RGS18: variants seen among roughly 807,000 people sequenced by gnomAD.
RGS18 encodes regulator of G protein signaling 18, also known as regulator of G-protein signaling 18.
Under a neutral mutation model 27.6 loss-of-function variants are expected in RGS18, and 22 were observed. The observed-to-expected ratio is 0.80, with a 90% CI of 0.57 to 1.14. The LOEUF is 1.14. Ranked by LOEUF, RGS18 falls within the 50% of genes most tolerant of loss-of-function variation. The pLI is 0.00. For synonymous variants in RGS18, 89 were observed against 84.6 expected (o/e 1.05, Z -0.29); for missense variants, 299 against 269.6 (o/e 1.11, Z -0.76).
At chr1:192,170,408 C>T (rs1475515150) in intron 3 of RGS18, among the ~76,000 whole-genome samples, 1 of 152,116 alleles carries the variant, frequency 6.6e-6, no homozygotes, top group Non-Finnish European at 1.5e-5. Context: ...CAGAGACCTG[C>T]CTTTTTTCTC....
intron 4 of RGS18, among the ~76,000 whole-genome samples, chr1:192,183,751 C>T (rs1327486811): frequency 6.6e-6 from 1 of 151,592 alleles, no homozygotes; most frequent in Non-Finnish European, 1.5e-5. Flanking sequence ...ATGGAATATT[C>T]AGCCACAGAA....
chr1:192,172,878 T>TATATATATATATATATATAC (rs1553229372), intron 3 of RGS18, among the ~76,000 whole-genome samples: 37 of 138,574 alleles, frequency 2.7e-4, no homozygotes, highest in African/African-American at 9.5e-4. Flanking sequence ...TATATATATA[T>TATATATATATATATATATAC]ATATAAATAT....
chr1:192,169,490 T>C (rs1656219603), intron 3 of RGS18: 2 of 152,158 alleles, frequency 1.3e-5, no homozygotes, highest in African/African-American at 2.4e-5. Flanking sequence ...TCTATTTAAA[T>C]AGTAACTGAG....
intron 3 of RGS18, among the ~76,000 whole-genome samples, chr1:192,174,706 T>G (rs1048621370): frequency 6.6e-6 from 1 of 151,882 alleles, no homozygotes; most frequent in South Asian, 2.1e-4. Context: ...ATGTGAAGAT[T>G]TTTTTGTTCA....
intron 3 of RGS18, among the ~76,000 whole-genome samples, chr1:192,171,077 T>G (rs1035956242): frequency 1.3e-5 from 2 of 152,170 alleles, no homozygotes; most frequent in African/African-American, 2.4e-5. Context: ...TGGCAATTAT[T>G]TTGTAGCTAG....
chr1:192,171,357 T>C (rs1397115785), intron 3 of RGS18, among the ~76,000 whole-genome samples: 6 of 152,020 alleles, frequency 3.9e-5, no homozygotes, highest in Admixed American at 2.6e-4. Context: ...CATCAGACAG[T>C]TGTGTTTGAC....
Position 192,166,207 on chromosome 1 carries a change from A to AT in RGS18, c.283+5769dup, listed in dbSNP as rs201962785. Among the ~76,000 whole-genome samples, 116 of 152,286 alleles carry AT rather than the reference A, an allele frequency of 7.6e-4. 2 individuals are homozygous for AT. The East Asian group carries it at 0.02, about 26-fold the overall frequency. On this transcript the variant is annotated intron_variant, in intron 3 of 4. Transcript: ENST00000367460. ...GGAAAATGATACTGCTGCATAACAC[A>AT]TAACTTCTAAAATAACTTGCTAAAC...
rs1176073513 is a variant in RGS18, at chr1:192,181,366, G to A, written c.358G>A (p.Glu120Lys). The change falls in exon 4 of 5, where the codon GAA becomes AAA. Residue 120 changes from glutamate to lysine, a missense_variant. By Grantham distance (56) the Glu-to-Lys change is moderately conservative. Transcript: ENST00000367460. Reference protein sequence around the residue: ...EENIEFWIACEDFKKSKGPQQ... With the variant: ...EENIEFWIACKDFKKSKGPQQ... ...AAATATTGAATTTTGGATAGCCTGT[G>A]AAGATTTCAAGAAAAGCAAGGGACC... 6.3e-7 allele frequency: 1 copy of A among 1,592,120 alleles called. No homozygotes were observed. The highest frequency in any genetic ancestry group is 1.4e-5 in the African/African-American group (1 of 73,694).
chr1:192,172,917 G>T, intron 3 of RGS18, among the ~76,000 whole-genome samples: 1 of 142,346 alleles, frequency 7.0e-6, no homozygotes. Context: ...ATAAAATCTG[G>T]GGCAATTGAA....
At position 192,181,520 on chromosome 1, in the gene RGS18, T is replaced by A; in HGVS notation, c.450+62T>A. 3.6e-6 allele frequency: 4 copies of A among 1,118,916 alleles called. No individual in the cohort carries two copies. In the South Asian group the frequency reaches 5.4e-5, roughly 15 times the overall value. The allele number at this position is 1,118,916 out of a possible 1,614,324, so 69.3% of individuals were successfully genotyped here. ...TTCAAAATTTTTTAATAATTTTATT[T>A]TTAAATTGTGAATTATATTTTTCCA... is the stretch of plus-strand genomic sequence containing the variant. On this transcript the variant is annotated intron_variant, in intron 4 of 4. Coordinates refer to ENST00000367460, the MANE Select transcript of RGS18 (RefSeq NM_130782.3).
intron 3 of RGS18, among the ~76,000 whole-genome samples, chr1:192,175,295 A>G (rs1442796977): frequency 2.8e-5 from 4 of 141,518 alleles, no homozygotes; most frequent in African/African-American, 1.0e-4. Context: ...AATATTGATA[A>G]TAAGTCATGA....
At chr1:192,161,541 A>T (rs1047384188) in intron 3 of RGS18, 5 of 152,288 alleles carry the variant, frequency 3.3e-5, no homozygotes, top group African/African-American at 1.2e-4. Flanking sequence ...CTGCAAAAAA[A>T]GCAATGCTTT....
chr1:192,181,191 T>G, intron 3 of RGS18, 101 bp from the exon 4 acceptor site: 1 of 636,094 alleles, frequency 1.6e-6, no homozygotes, highest in South Asian at 2.6e-5. Flanking sequence ...AGGGAAGATG[T>G]AGGTTTTCTG....
In RGS18 at chr1:192,159,209, T is replaced by C; in HGVS notation, c.120-11T>C. 6.3e-7 allele frequency: 1 copy of C among 1,598,656 alleles called. No homozygotes were observed. The highest frequency in any genetic ancestry group is 8.6e-7 in the Non-Finnish European group (1 of 1,167,100). On this transcript the variant is annotated splice_polypyrimidine_tract_variant and intron_variant, in intron 1 of 4. Coordinates refer to ENST00000367460, the MANE Select transcript of RGS18 (RefSeq NM_130782.3). ...CTAAATTGTCCTGACATGAAGGCCTTTTTATTACAGAGCTAAGGAAAAAAG... is the reference window on the plus strand; with the variant it reads ...CTAAATTGTCCTGACATGAAGGCCTCTTTATTACAGAGCTAAGGAAAAAAG...
At position 192,185,037 on chromosome 1, in the gene RGS18, A is replaced by G. The variant is rs2102163102; in HGVS notation, c.*483A>G. 6.3e-6 allele frequency: 1 copy of G among 157,768 alleles called. No individual in the cohort carries two copies. The highest frequency in any genetic ancestry group is 1.4e-5 in the Non-Finnish European group (1 of 71,406). 9.8% of individuals were successfully genotyped at this position (157,768 alleles called of 1,614,324 possible). A position where few individuals can be genotyped will look rare whatever the true frequency, so the allele number is the denominator to read the frequency against. On this transcript the variant is annotated 3_prime_UTR_variant, in exon 5 of 5. Coordinates refer to ENST00000367460, the MANE Select transcript of RGS18 (RefSeq NM_130782.3). Reference sequence around the variant, plus strand: ...GTGTAGAAGTGATCTGGTTCTTACAATGGGAGATGAAGAACATTTATTATT... The same window carrying G: ...GTGTAGAAGTGATCTGGTTCTTACAGTGGGAGATGAAGAACATTTATTATT...
intron 3 of RGS18, chr1:192,168,790 G>T (rs1656206295): frequency 6.6e-6 from 1 of 152,086 alleles, no homozygotes; most frequent in East Asian, 1.9e-4. Flanking sequence ...AGTTGTAAAG[G>T]TCCTGTAATT....
chr1:192,159,461 C>A, intron 2 of RGS18, 140 bp downstream of exon 2: 1 of 630,910 alleles, frequency 1.6e-6, no homozygotes, highest in East Asian at 2.8e-5. Flanking sequence ...TTTGAAGAGA[C>A]TAGAAATATT....
Position 192,178,774 on chromosome 1 carries a change from A to G in RGS18, c.284-2518A>G, listed in dbSNP as rs117992187. Among the ~76,000 whole-genome samples the G allele has an allele frequency of 1.9e-3, 283 of 151,822 alleles. 3 individuals are homozygous for G. In the East Asian group the frequency reaches 0.043, roughly 23 times the overall value. ...AAGGAGAAAAGATATGTCAGTAGCT[A>G]CAGGAATATTTGAAGTTATGATTTT... On this transcript the variant is annotated intron_variant, in intron 3 of 4. Transcript: ENST00000367460.
At chr1:192,161,643 C>T (rs1656075439) in intron 3 of RGS18, among the ~76,000 whole-genome samples, 1 of 151,990 alleles carries the variant, frequency 6.6e-6, no homozygotes, top group South Asian at 2.1e-4. Flanking sequence ...GAAATACAAT[C>T]ATTTCCCAGC....
Sources: allele counts gnomAD v4.1 joint callset (sites outside exome capture counted in the v4.1 genomes callset), GRCh38; gene constraint gnomAD v4.1.1; transcripts MANE v1.5; gene names NCBI Gene and HGNC (gene_info 2026-07-23, HGNC 2026-07-21).